The following GRIK2 variants were observed in gnomAD, a reference collection of about 807,000 sequenced individuals.
GRIK2 encodes the protein glutamate ionotropic receptor kainate type subunit 2.
GRIK2 carries 32 observed loss-of-function variants against 100.3 expected under a neutral mutation model. The ratio of observed to expected loss-of-function variants is 0.32; its 90% CI spans 0.24 to 0.43. The LOEUF is 0.43. GRIK2 is among the 20% of genes least tolerant of loss of function. GRIK2 has a pLI of 1.00. For synonymous variants in GRIK2, 417 were observed against 389.4 expected, an observed-to-expected ratio of 1.07 and a Z score of -0.83; for missense variants, 843 against 1,114.9, an observed-to-expected ratio of 0.76 and a Z score of 3.47.
chr6:101,447,444 A>C, intron 2 of GRIK2, among the ~76,000 whole-genome samples: 1 of 151,872 alleles, frequency 6.6e-6, no homozygotes, highest in East Asian at 1.9e-4. Context: ...TATTTAGAAC[A>C]ACAGTTCTCT....
At chr6:101,997,486 T>C (rs1482040021) in intron 14 of GRIK2, among the ~76,000 whole-genome samples, 2 of 152,084 alleles carry the variant, frequency 1.3e-5, no homozygotes, top group Non-Finnish European at 2.9e-5. Flanking sequence ...TAATTGTTAA[T>C]TGTTTCTAAT....
chr6:101,831,909 A>G (rs1582328941), intron 10 of GRIK2, among the ~76,000 whole-genome samples: 1 of 152,280 alleles, frequency 6.6e-6, no homozygotes, highest in East Asian at 1.9e-4. Flanking sequence ...AGAACAAAAT[A>G]ACTGAAGACT....
intron 7 of GRIK2, among the ~76,000 whole-genome samples, chr6:101,725,836 C>G (rs532442290): frequency 2.4e-4 from 36 of 152,026 alleles, no homozygotes; most frequent in Middle Eastern, 6.8e-3. Context: ...ATATTGTGTT[C>G]ACCTGAATGT....
chr6:101,871,782 A>T (rs1785435083), intron 11 of GRIK2, among the ~76,000 whole-genome samples: 1 of 151,902 alleles, frequency 6.6e-6, no homozygotes, highest in African/African-American at 2.4e-5. Flanking sequence ...TCCATTGTTG[A>T]TGAGCACCTG....
chr6:101,429,946 G>A (rs1295285803), intron 2 of GRIK2, among the ~76,000 whole-genome samples: 2 of 152,284 alleles, frequency 1.3e-5, no homozygotes, highest in Middle Eastern at 3.4e-3. Flanking sequence ...AGGTAAGAAA[G>A]GAAACTGGGT....
At chr6:101,705,463 C>A (rs1308818785) in intron 7 of GRIK2, among the ~76,000 whole-genome samples, 2 of 151,762 alleles carry the variant, frequency 1.3e-5, no homozygotes, top group African/African-American at 4.8e-5. Context: ...ACTCTCCTTA[C>A]AACTGGGTAT....
intron 7 of GRIK2, among the ~76,000 whole-genome samples, chr6:101,735,645 C>T (rs1440435650): frequency 6.6e-6 from 1 of 152,070 alleles, no homozygotes; most frequent in Non-Finnish European, 1.5e-5. Context: ...AAGACCCATC[C>T]CTATTATTCA....
In GRIK2 at chr6:101,865,270, G is replaced by A. The variant is rs115136749; in HGVS notation, c.1524+5777G>A. Among the ~76,000 whole-genome samples the A allele has an allele frequency of 2.8e-3, 426 of 152,320 alleles. 2 individuals are homozygous for A. The highest frequency in any genetic ancestry group is 9.9e-3 in the African/African-American group (411 of 41,576). ...GCCACAGATTTCCAGCTGTCTGAAT[G>A]CTTCCCAGCTTGCTGCCTTGGCATT... On this transcript the variant is annotated intron_variant, in intron 11 of 16. Transcript: ENST00000369134.
intron 4 of GRIK2, among the ~76,000 whole-genome samples, chr6:101,629,078 T>C (rs1047108846): frequency 2.0e-5 from 3 of 152,116 alleles, no homozygotes; most frequent in Non-Finnish European, 2.9e-5. Flanking sequence ...AATTATATCA[T>C]TGAGGCAAAT....
At chr6:101,688,087 AAT>A (rs1326681856) in intron 7 of GRIK2, among the ~76,000 whole-genome samples, 1 of 146,380 alleles carries the variant, frequency 6.8e-6, no homozygotes. Context: ...ATTATATAAA[AAT>A]ATATATTATA....
chr6:101,693,787 A>G (rs947368097), intron 7 of GRIK2, among the ~76,000 whole-genome samples: 3 of 152,088 alleles, frequency 2.0e-5, no homozygotes, highest in African/African-American at 7.2e-5. Context: ...ATATGTGACT[A>G]TATCATATAT....
intron 2 of GRIK2, among the ~76,000 whole-genome samples, chr6:101,615,273 T>C (rs1424824516): frequency 6.6e-6 from 1 of 151,832 alleles, no homozygotes; most frequent in Non-Finnish European, 1.5e-5. Flanking sequence ...TGGCCCTTCC[T>C]GAATTAAGAA....
chr6:101,816,149 TTAGA>T (rs1379682468), intron 9 of GRIK2, among the ~76,000 whole-genome samples: 4 of 152,116 alleles, frequency 2.6e-5, no homozygotes, highest in Non-Finnish European at 4.4e-5. Context: ...TAAGGTTTTA[TTAGA>T]TAGACGACAG....
chr6:101,424,908 A>G (rs1444410950), intron 2 of GRIK2, among the ~76,000 whole-genome samples: 4 of 152,142 alleles, frequency 2.6e-5, no homozygotes, highest in Non-Finnish European at 5.9e-5. Flanking sequence ...TTCATTTTTT[A>G]TGGCTGCATA....
In GRIK2 at chr6:101,895,193, AG is replaced by A. The variant is rs540877763; in HGVS notation, c.1748+5331del. On this transcript the variant is annotated intron_variant, in intron 12 of 16. Coordinates refer to ENST00000369134, the MANE Select transcript of GRIK2 (RefSeq NM_021956.5). Reference sequence around the variant, plus strand: ...CTTCTTAGCTAGAAGAGTAAATCAAAGAATATTCAATGTGTTACATGCATAA... The same window carrying A: ...CTTCTTAGCTAGAAGAGTAAATCAAAAATATTCAATGTGTTACATGCATAA... Among the ~76,000 whole-genome samples the A allele has an allele frequency of 4.9e-4, 75 of 151,904 alleles. 1 individual carries two copies. The South Asian group carries it at 0.015, about 31-fold the overall frequency.
At chr6:101,733,704 CTTTCTTTTTTTT>C (rs1775435468) in intron 7 of GRIK2, among the ~76,000 whole-genome samples, 1 of 91,396 alleles carries the variant, frequency 1.1e-5, no homozygotes, top group Non-Finnish European at 2.1e-5. Flanking sequence ...TTTAATTCCT[CTTTCTTTTTTTT>C]TTTTTTTTTT....
intron 2 of GRIK2, among the ~76,000 whole-genome samples, chr6:101,583,533 C>T (rs1297078915): frequency 1.3e-5 from 2 of 151,992 alleles, no homozygotes; most frequent in African/African-American, 4.8e-5. Flanking sequence ...TACAATTTGC[C>T]CTCTAGTCCT....
At chr6:101,627,909 A>T (rs568515616) in intron 4 of GRIK2, among the ~76,000 whole-genome samples, 94 of 152,322 alleles carry the variant, frequency 6.2e-4, no homozygotes, top group African/African-American at 2.2e-3. Context: ...AGTAACAAAA[A>T]TGAAATTTTA....
At chr6:101,654,156 G>C (rs1781948075) in intron 4 of GRIK2, among the ~76,000 whole-genome samples, 1 of 151,998 alleles carries the variant, frequency 6.6e-6, no homozygotes, top group African/African-American at 2.4e-5. Flanking sequence ...TGAATACCAG[G>C]TAACTTAGCA....
Sources: gnomAD v4.1 joint callset for allele counts (sites outside exome capture counted in the v4.1 genomes callset) on GRCh38, gnomAD v4.1.1 for gene constraint, MANE v1.5 for transcripts, NCBI Gene and HGNC (gene_info 2026-07-23, HGNC 2026-07-21) for gene names.